PTH2R: variants seen among roughly 807,000 people sequenced by gnomAD.
The protein encoded by PTH2R is parathyroid hormone 2 receptor, also known as PTH2 receptor.
PTH2R carries 59 observed loss-of-function variants against 60.3 expected under a neutral mutation model. The observed-to-expected ratio is 0.98, with a 90% CI of 0.79 to 1.22. The LOEUF is 1.22. PTH2R is among the 50% of genes most tolerant of loss of function. PTH2R has a pLI of 0.00. For synonymous variants in PTH2R, 256 were observed against 243.8 expected (o/e 1.05, Z -0.47); for missense variants, 749 against 682.6 (o/e 1.10, Z -1.08).
At chr2:208,451,844 T>A (rs1325521818) in intron 8 of PTH2R, among the ~76,000 whole-genome samples, 1 of 152,204 alleles carries the variant, frequency 6.6e-6, no homozygotes, top group East Asian at 1.9e-4. Flanking sequence ...TAAGGATACA[T>A]TTTAATGTAT....
Position 208,372,172 on chromosome 2 carries a change from C to T in PTH2R, c.-259+11935C>T, listed in dbSNP as rs145945876. ...TCCTAACCTTGTGATTCGCCCGCCT[C>T]GGCCTCCCAAGGTGCTGGGATTACA... On this transcript the variant is annotated intron_variant, in intron 1 of 12. Coordinates refer to the PTH2R transcript ENST00000617735. 5.9e-3 allele frequency among the ~76,000 whole-genome samples: 902 copies of T among 152,198 alleles called. 19 individuals are homozygous for T. The highest frequency in any genetic ancestry group is 0.02 in the African/African-American group (842 of 41,456).
At chr2:208,433,983 G>T (rs1702023272) in intron 2 of PTH2R, among the ~76,000 whole-genome samples, 1 of 152,154 alleles carries the variant, frequency 6.6e-6, no homozygotes, top group South Asian at 2.1e-4. Context: ...TACTCACATT[G>T]GATGGCAATC....
intron 6 of PTH2R, 43 bp from the exon 7 acceptor site, chr2:208,444,691 C>T (rs759659568): frequency 3.2e-6 from 5 of 1,580,504 alleles, no homozygotes; most frequent in Non-Finnish European, 3.4e-6. Flanking sequence ...TCCAGTACAA[C>T]AAAGTGTTCT....
chr2:208,437,481 C>T (rs752131896), intron 2 of PTH2R, 56 bp from the exon 3 acceptor site: 11 of 1,458,340 alleles, frequency 7.5e-6, no homozygotes, highest in Non-Finnish European at 9.3e-6. Flanking sequence ...CATTTGTTCT[C>T]TGGTTCTAAC....
chr2:208,442,903 T>C (rs749949976), intron 5 of PTH2R, among the ~76,000 whole-genome samples: 1 of 152,170 alleles, frequency 6.6e-6, no homozygotes, highest in Non-Finnish European at 1.5e-5. Flanking sequence ...ATCGAAATCA[T>C]TACAAAATTT....
intron 9 of PTH2R, among the ~76,000 whole-genome samples, chr2:208,471,120 C>A (rs959312006): frequency 3.9e-5 from 6 of 152,040 alleles, no homozygotes; most frequent in African/African-American, 1.2e-4. Flanking sequence ...CTGTTAAAGG[C>A]ATTTAGTTTT....
chr2:208,365,068 G>A (rs1227572578), intron 1 of PTH2R, among the ~76,000 whole-genome samples: 1 of 148,420 alleles, frequency 6.7e-6, no homozygotes, highest in East Asian at 2.0e-4. Context: ...TTTTTTTTTG[G>A]TGGAATCTTT....
intron 10 of PTH2R, among the ~76,000 whole-genome samples, chr2:208,482,131 G>A (rs546164579): frequency 8.5e-4 from 130 of 152,226 alleles, no homozygotes; most frequent in African/African-American, 3.1e-3. Flanking sequence ...ACACAGAGAG[G>A]AAAAACATCA....
chr2:208,493,526 ACT>A lies in PTH2R; in HGVS notation c.1523_1524del (p.Ser508PhefsTer9), dbSNP rs1703459851. 3.1e-6 allele frequency: 5 copies of A among 1,613,942 alleles called. No homozygotes were observed. In the East Asian group the frequency reaches 1.1e-4, roughly 36 times the overall value. On this transcript the variant is annotated frameshift_variant, in exon 13 of 13. Transcript: ENST00000272847. LOFTEE classifies it low-confidence loss of function (END_TRUNC). ...AACTCAGAGCAGGACTGCCTGCCACACTCTTTCCACGAGGAGACCAAGGAAGA... is the reference window on the plus strand; with the variant it reads ...AACTCAGAGCAGGACTGCCTGCCACACTTTCCACGAGGAGACCAAGGAAGA...
chr2:208,486,260 A>G (rs1703271561), intron 10 of PTH2R, among the ~76,000 whole-genome samples: 1 of 152,184 alleles, frequency 6.6e-6, no homozygotes, highest in African/African-American at 2.4e-5. Flanking sequence ...TATAATTACT[A>G]CCTGTTTTTA....
chr2:208,404,225 A>G (rs1318982503), upstream of PTH2R, among the ~76,000 whole-genome samples: 1 of 152,234 alleles, frequency 6.6e-6, no homozygotes, highest in African/African-American at 2.4e-5. Flanking sequence ...AGAAACAAAG[A>G]CAGAACATTG....
chr2:208,372,248 A>G (rs900285955), intron 1 of PTH2R, among the ~76,000 whole-genome samples: 1 of 152,128 alleles, frequency 6.6e-6, no homozygotes, highest in Non-Finnish European at 1.5e-5. Context: ...AAGCACTGTT[A>G]GATTATCCCA....
chr2:208,462,846 A>G (rs1702661045), intron 9 of PTH2R, among the ~76,000 whole-genome samples: 1 of 152,210 alleles, frequency 6.6e-6, no homozygotes, highest in Non-Finnish European at 1.5e-5. Context: ...TCAAGAGCTG[A>G]GGCTGCAAAG....
intron 2 of PTH2R, among the ~76,000 whole-genome samples, chr2:208,434,689 A>T (rs1702039887): frequency 6.6e-6 from 1 of 152,186 alleles, no homozygotes; most frequent in South Asian, 2.1e-4. Context: ...ATTACACAAT[A>T]GATACTGGGC....
intron 8 of PTH2R, among the ~76,000 whole-genome samples, chr2:208,452,914 CACTT>C (rs1364751061): frequency 2.6e-5 from 4 of 152,242 alleles, no homozygotes; most frequent in East Asian, 3.9e-4. Context: ...ATTCAGAAAA[CACTT>C]ACAGGCGGAT....
chr2:208,403,179 C>T (rs1701341484), upstream of PTH2R, among the ~76,000 whole-genome samples: 1 of 152,104 alleles, frequency 6.6e-6, no homozygotes, highest in Non-Finnish European at 1.5e-5. Context: ...CAAATTATAG[C>T]CATTTAATCC....
At chr2:208,424,450 G>T (rs1452421525) in intron 1 of PTH2R, among the ~76,000 whole-genome samples, 1 of 152,160 alleles carries the variant, frequency 6.6e-6, no homozygotes, top group East Asian at 1.9e-4. Context: ...CCATTATCCA[G>T]CAAATCATGT....
In PTH2R at chr2:208,493,552, G is replaced by A. The variant is rs375358376; in HGVS notation, c.1546G>A (p.Asp516Asn). 1 of 1,613,890 alleles carries A rather than the reference G, an allele frequency of 6.2e-7. No individual in the cohort carries two copies. The highest frequency in any genetic ancestry group is 1.1e-5 in the South Asian group (1 of 91,008). Reference sequence around the variant, plus strand: ...CTCTTTCCACGAGGAGACCAAGGAAGATAGTGGGAGGCAGGGAGATGATAT... The same window carrying A: ...CTCTTTCCACGAGGAGACCAAGGAAAATAGTGGGAGGCAGGGAGATGATAT... ...PHSFHEETKE[D>N]SGRQGDDILM... The change falls in exon 13 of 13, where the codon GAT becomes AAT. Residue 516 changes from aspartate to asparagine, a missense_variant. Asp to Asn is a conservative substitution (Grantham distance 23). Coordinates refer to ENST00000272847, the MANE Select transcript of PTH2R (RefSeq NM_005048.4).
At chr2:208,454,857 T>C (rs970804721) in intron 8 of PTH2R, among the ~76,000 whole-genome samples, 1 of 152,180 alleles carries the variant, frequency 6.6e-6, no homozygotes, top group Admixed American at 6.5e-5. Context: ...ACTAGATATT[T>C]CCTTCAGGAA....
Sources: allele counts gnomAD v4.1 joint callset (sites outside exome capture counted in the v4.1 genomes callset), GRCh38; gene constraint gnomAD v4.1.1; transcripts MANE v1.5; gene names NCBI Gene and HGNC (gene_info 2026-07-23, HGNC 2026-07-21).